SEPTIN12: variants seen among roughly 807,000 people sequenced by gnomAD.
SEPTIN12 encodes septin-12.
SEPTIN12 carries 42 observed loss-of-function variants against 37.7 expected under a neutral mutation model. The ratio of observed to expected loss-of-function variants is 1.11; its 90% CI spans 0.87 to 1.44. The LOEUF (loss-of-function observed/expected upper bound fraction) is 1.44. Among genes scored for constraint, SEPTIN12 ranks in the 40% most tolerant of loss-of-function variants. SEPTIN12 has a pLI of 0.00. For missense variants in SEPTIN12, 613 were observed against 479.2 expected (o/e 1.28, Z -2.61); for synonymous variants, 254 against 196.7 (o/e 1.29, Z -2.44).
rs781705431 is a variant in SEPTIN12 at position 4,784,075 on chromosome 16, C to G, written c.375-7G>C. The G allele has an allele frequency of 6.2e-7, 1 of 1,613,856 alleles. No homozygotes were observed. The highest frequency in any genetic ancestry group is 1.1e-5 in the South Asian group (1 of 91,068). On this transcript the variant is annotated splice_polypyrimidine_tract_variant and splice_region_variant and intron_variant, in intron 4 of 9. Transcript: ENST00000268231. ...GCCCAGGATGGGGTCCCAGCTGAGG[C>G]GGGAGGTGGACCCTCCCCTCAGAAC... is the stretch of plus-strand genomic sequence containing the variant.
upstream of SEPTIN12, among the ~76,000 whole-genome samples, chr16:4,789,645 G>A (rs1040431605): frequency 1.3e-5 from 2 of 152,006 alleles, no homozygotes; most frequent in African/African-American, 4.8e-5. Flanking sequence ...ATTTTTTTGA[G>A]ACACGGTCTC....
intron 7 of SEPTIN12, among the ~76,000 whole-genome samples, chr16:4,783,164 C>A (rs1431335560): frequency 2.0e-5 from 3 of 152,176 alleles, no homozygotes; most frequent in African/African-American, 7.2e-5. Context: ...CTGCCTCGGC[C>A]TCCCAAACTG....
chr16:4,781,167 G>A (rs1003390955), intron 7 of SEPTIN12, among the ~76,000 whole-genome samples: 2 of 151,322 alleles, frequency 1.3e-5, no homozygotes, highest in Non-Finnish European at 1.5e-5. Flanking sequence ...GCTGAGGCAG[G>A]AGAATCGCTT....
chr16:4,787,578 G>A lies in SEPTIN12; in HGVS notation c.68C>T (p.Pro23Leu), dbSNP rs866454239. 2 of 1,609,232 alleles carry A rather than the reference G, an allele frequency of 1.2e-6. No individual in the cohort carries two copies. Among genetic ancestry groups the A allele is most frequent in the Non-Finnish European group, 1.7e-6 (2 of 1,179,518 alleles). The change falls in exon 2 of 10, where the codon CCC (proline) becomes CTC (leucine). Residue 23 changes from proline to leucine, a missense_variant. Transcript: ENST00000268231. ...GCCCACAGGACCAAGCATCTCGCAG[G>A]GTGGGGTGCTGGGGCTGGAGGGCTG... is the stretch of plus-strand genomic sequence containing the variant. Reference protein sequence around the residue: ...SSQPSSPSTPPCEMLGPVGIE... With the variant: ...SSQPSSPSTPLCEMLGPVGIE...
chr16:4,789,954 AC>A (rs1340973459), upstream of SEPTIN12: 1 of 142,902 alleles, frequency 7.0e-6, no homozygotes, highest in Non-Finnish European at 1.5e-5. Context: ...TCACTTTGTC[AC>A]CCAAGTTGGA....
At chr16:4,779,402 TA>T (rs2082348201) in intron 8 of SEPTIN12, among the ~76,000 whole-genome samples, 1 of 152,164 alleles carries the variant, frequency 6.6e-6, no homozygotes, top group African/African-American at 2.4e-5. Context: ...GGCCAGCCAC[TA>T]GGGCAGCCTT....
intron 8 of SEPTIN12, 54 bp from the exon 9 acceptor site, chr16:4,778,191 C>T (rs1567555544): frequency 6.4e-7 from 1 of 1,567,430 alleles, no homozygotes; most frequent in Non-Finnish European, 8.8e-7. Context: ...TGAGTAAGTG[C>T]CTACTGTATG....
At chr16:4,783,868 A>AC in intron 5 of SEPTIN12, 63 bp downstream of exon 5, 2 of 1,607,906 alleles carry the variant, frequency 1.2e-6, no homozygotes, top group South Asian at 2.2e-5. Context: ...CATGGTGGGG[A>AC]CCCCTTCTCC....
Position 4,786,068 on chromosome 16 carries a change from C to T in SEPTIN12, c.204G>A (p.Thr68=), listed in dbSNP as rs144789075. Residue 68 remains threonine (T), a synonymous_variant, in exon 3 of 10, where the codon ACG becomes ACA. Transcript: ENST00000268231. ...SGLGKSTMVN[T]LFKSKVWKSN... ...ACTTCCACACTTTGGACTTGAACAGCGTGTTCACCATCGTGGACTTGCCCA... is the reference window on the plus strand; with the variant it reads ...ACTTCCACACTTTGGACTTGAACAGTGTGTTCACCATCGTGGACTTGCCCA... The T allele has an allele frequency of 6.7e-5, 108 of 1,613,766 alleles. No individual in the cohort carries two copies. Among genetic ancestry groups the T allele is most frequent in the East Asian group, 6.2e-4 (28 of 44,882 alleles).
chr16:4,777,991 G>C lies in SEPTIN12; in HGVS notation c.883C>G (p.Leu295Val), dbSNP rs762397615. 5.6e-6 allele frequency: 9 copies of C among 1,611,974 alleles called. No individual in the cohort carries two copies. The highest frequency in any genetic ancestry group is 1.6e-4 in the Middle Eastern group (1 of 6,082). ...LLRDLLIRSH[L>V]QDLKDITHNI... is the part of the protein sequence containing the mutation. ...TGGGTTATGTCCTTCAGGTCTTGGA[G>C]GTGGGAGCTGGGGGACCGGAGACGG... Residue 295 changes from leucine to valine, a missense_variant, in exon 10 of 10, where the codon CTC becomes GTC. By Grantham distance (32) the Leu-to-Val change is conservative. Coordinates refer to ENST00000268231, the MANE Select transcript of SEPTIN12 (RefSeq NM_144605.5).
At chr16:4,781,326 C>T (rs909385505) in intron 7 of SEPTIN12, among the ~76,000 whole-genome samples, 8 of 151,552 alleles carry the variant, frequency 5.3e-5, no homozygotes, top group South Asian at 2.1e-4. Context: ...AAACATTGTA[C>T]GGTACGGGGG....
chr16:4,781,331 C>T (rs1444832648), intron 7 of SEPTIN12, among the ~76,000 whole-genome samples: 19 of 151,662 alleles, frequency 1.3e-4, no homozygotes, highest in African/African-American at 2.4e-5. Flanking sequence ...TTGTACGGTA[C>T]GGGGGTTTTT....
intron 8 of SEPTIN12, among the ~76,000 whole-genome samples, chr16:4,778,460 A>T (rs902779665): frequency 6.6e-6 from 1 of 152,226 alleles, no homozygotes; most frequent in Non-Finnish European, 1.5e-5. Context: ...GGGGTCCTGG[A>T]ACCACCCTCT....
Position 4,777,772 on chromosome 16 carries a change from C to T in SEPTIN12, c.*25G>A, listed in dbSNP as rs763649799. ...AGAGCCGCTGGGGACTCAGGAAGCC[C>T]AGCAGCCCCGGGATCCGCCGGTGGT... On this transcript the variant is annotated 3_prime_UTR_variant, in exon 10 of 10. Transcript: ENST00000268231. 18 of 1,478,028 alleles carry T rather than the reference C, an allele frequency of 1.2e-5. No individual in the cohort carries two copies. The highest frequency in any genetic ancestry group is 1.4e-5 in the African/African-American group (1 of 71,230). The allele number at this position is 1,478,028 out of a possible 1,614,324, so 91.6% of individuals were successfully genotyped here.
intron 2 of SEPTIN12, among the ~76,000 whole-genome samples, chr16:4,786,679 A>G (rs1246819013): frequency 1.3e-5 from 2 of 151,314 alleles, no homozygotes. Flanking sequence ...AATTTTTAAG[A>G]CAGGGTCTCA....
intron 8 of SEPTIN12, among the ~76,000 whole-genome samples, chr16:4,779,250 A>G (rs908701342): frequency 6.6e-6 from 1 of 151,750 alleles, no homozygotes; most frequent in Non-Finnish European, 1.5e-5. Flanking sequence ...TCCCGCCACA[A>G]TCGCCTTCAC....
At chr16:4,780,284 C>T (rs907460840) in intron 7 of SEPTIN12, among the ~76,000 whole-genome samples, 1 of 150,848 alleles carries the variant, frequency 6.6e-6, no homozygotes, top group Non-Finnish European at 1.5e-5. Flanking sequence ...GAGATGAGTT[C>T]TCTGTGTTGC....
intron 2 of SEPTIN12, among the ~76,000 whole-genome samples, chr16:4,786,798 A>C (rs994699812): frequency 3.9e-5 from 6 of 152,020 alleles, no homozygotes; most frequent in Non-Finnish European, 8.8e-5. Context: ...GGTGCATGTC[A>C]CCATGCCTGG....
At chr16:4,784,832 A>G (rs955091305) in intron 4 of SEPTIN12, among the ~76,000 whole-genome samples, 2 of 152,160 alleles carry the variant, frequency 1.3e-5, no homozygotes, top group East Asian at 3.9e-4. Context: ...AACCAGGGCC[A>G]GGTGCGGTGG....
Sources: allele counts gnomAD v4.1 joint callset (sites outside exome capture counted in the v4.1 genomes callset), GRCh38; gene constraint gnomAD v4.1.1; transcripts MANE v1.5; gene names NCBI Gene and HGNC (gene_info 2026-07-23, HGNC 2026-07-21).